FBXO22: variants seen among roughly 807,000 people sequenced by gnomAD.
The protein encoded by FBXO22 is F-box only protein 22.
FBXO22 carries 13 observed loss-of-function variants against 37.2 expected under a neutral mutation model. The ratio of observed to expected loss-of-function variants is 0.35; its 90% CI spans 0.23 to 0.56. The LOEUF (loss-of-function observed/expected upper bound fraction) is 0.56, where lower values mean the gene tolerates loss of function less well. Ranked by LOEUF, FBXO22 falls within the 20% of genes least tolerant of loss-of-function variation. The probability of loss-of-function intolerance (pLI) is 0.87; values close to 1 mark genes in which losing one functional copy is unlikely to be tolerated. For missense variants in FBXO22, 446 were observed against 509.9 expected (o/e 0.87, Z 1.21); for synonymous variants, 189 against 189.1 (o/e 1.00, Z 0.00).
intron 2 of FBXO22, among the ~76,000 whole-genome samples, chr15:75,911,339 C>A (rs1900047353): frequency 6.6e-6 from 1 of 152,090 alleles, no homozygotes; most frequent in Non-Finnish European, 1.5e-5. Flanking sequence ...CATTGAATCT[C>A]TAAATTACTT....
chr15:75,925,833 G>A (rs951128901), intron 5 of FBXO22, among the ~76,000 whole-genome samples: 2 of 152,142 alleles, frequency 1.3e-5, no homozygotes, highest in African/African-American at 2.4e-5. Flanking sequence ...AAGGAGGAGG[G>A]TGGGGGCTTG....
chr15:75,929,735 A>T (rs1595918795), intron 5 of FBXO22, 149 bp from the exon 6 acceptor site: 1 of 756,268 alleles, frequency 1.3e-6, no homozygotes, highest in Admixed American at 3.1e-5. Flanking sequence ...AAAATAAGAT[A>T]AAAAATAAAA....
At position 75,941,014 on chromosome 15, in the gene FBXO22, G is replaced by A. The variant is rs1232968529; in HGVS notation, c.*7912G>A. ...AGTAAAAAGATTACCTATGGAGTGGGAGGAAATAATATGCAGTTCACGTAC... is the reference window on the plus strand; with the variant it reads ...AGTAAAAAGATTACCTATGGAGTGGAAGGAAATAATATGCAGTTCACGTAC... On this transcript the variant is annotated 3_prime_UTR_variant, in exon 7 of 7. Coordinates refer to ENST00000308275, the MANE Select transcript of FBXO22 (RefSeq NM_147188.3). 1 of 152,112 alleles carries A rather than the reference G, an allele frequency of 6.6e-6. No individual in the cohort carries two copies. Among genetic ancestry groups the A allele is most frequent in the African/African-American group, 2.4e-5 (1 of 41,436 alleles). The allele number at this position is 152,112 out of a possible 1,614,324, so 9.4% of individuals were successfully genotyped here.
At chr15:75,913,182 A>ATTTT in intron 2 of FBXO22, 21 bp from the exon 3 acceptor site, 19 of 1,178,188 alleles carry the variant, frequency 1.6e-5, no homozygotes, top group East Asian at 3.0e-5. Context: ...TCCAATTCCA[A>ATTTT]TTTTTTTTTT....
rs115062753 is a variant in FBXO22, at chr15:75,931,197, C to T, written c.794+1148C>T. ...TTGAAATGCAGATACCTCACTCAGA[C>T]TTATAACATCTGAGGTGCTAGCTTG... On this transcript the variant is annotated intron_variant, in intron 6 of 6. Coordinates refer to ENST00000308275, the MANE Select transcript of FBXO22 (RefSeq NM_147188.3). 3.8e-3 allele frequency among the ~76,000 whole-genome samples: 583 copies of T among 152,282 alleles called. 3 individuals are homozygous for T. Among genetic ancestry groups the T allele is most frequent in the African/African-American group, 0.013 (541 of 41,566 alleles).
intron 5 of FBXO22, among the ~76,000 whole-genome samples, chr15:75,919,469 C>G (rs1259274301): frequency 3.3e-5 from 5 of 152,100 alleles, no homozygotes; most frequent in Non-Finnish European, 5.9e-5. Context: ...GGTAGTCAAC[C>G]TTAAAAGATT....
At chr15:75,926,894 CTTGTTT>C in intron 5 of FBXO22, among the ~76,000 whole-genome samples, 1 of 152,264 alleles carries the variant, frequency 6.6e-6, no homozygotes, top group South Asian at 2.1e-4. Context: ...TTACTGATCT[CTTGTTT>C]TTGTGCAGCA....
rs749822521 is a variant in FBXO22 at position 75,932,772 on chromosome 15, G to A, written c.882G>A (p.Glu294=). The A allele has an allele frequency of 5.6e-6, 9 of 1,614,266 alleles. No homozygotes were observed. The Admixed American group carries it at 1.3e-4, about 24-fold the overall frequency. The change falls in exon 7 of 7, where the codon GAG becomes GAA. Residue 294 remains glutamate (E), a synonymous_variant. Coordinates refer to ENST00000308275, the MANE Select transcript of FBXO22 (RefSeq NM_147188.3). ...RIQSATVLLN[E]DVSDEKTAEA... ...AGAGTGCCACTGTGCTCCTCAACGAGGACGTCAGTGATGAGAAGACTGCTG... is the reference window on the plus strand; with the variant it reads ...AGAGTGCCACTGTGCTCCTCAACGAAGACGTCAGTGATGAGAAGACTGCTG...
chr15:75,906,186 G>A (rs1352511371), intron 2 of FBXO22, among the ~76,000 whole-genome samples: 3 of 151,918 alleles, frequency 2.0e-5, no homozygotes, highest in African/African-American at 7.3e-5. Flanking sequence ...CTTGTTTTCT[G>A]GCACAAGATG....
chr15:75,931,377 A>G (rs1170294031), intron 6 of FBXO22, among the ~76,000 whole-genome samples: 1 of 152,180 alleles, frequency 6.6e-6, no homozygotes, highest in East Asian at 1.9e-4. Flanking sequence ...TGAGGGCTCC[A>G]TTTTAATAAA....
At chr15:75,930,793 A>G (rs1163430554) in intron 6 of FBXO22, 1 of 985,342 alleles carries the variant, frequency 1.0e-6, no homozygotes, top group African/African-American at 1.7e-5. Context: ...ATGCTTGTAA[A>G]CACTACTATT....
intron 2 of FBXO22, among the ~76,000 whole-genome samples, chr15:75,912,034 C>T (rs961380828): frequency 6.6e-6 from 1 of 151,398 alleles, no homozygotes; most frequent in African/African-American, 2.4e-5. Context: ...TGGTTTTTGT[C>T]ATCGGTTCTG....
At chr15:75,928,462 A>G (rs948315380) in intron 5 of FBXO22, among the ~76,000 whole-genome samples, 2 of 152,178 alleles carry the variant, frequency 1.3e-5, no homozygotes, top group Non-Finnish European at 2.9e-5. Flanking sequence ...GGCCATTATC[A>G]TTAGCAAACT....
In FBXO22 at chr15:75,929,953, G is replaced by A. The variant is rs1453494720; in HGVS notation, c.698G>A (p.Ser233Asn). ...FGYNCCKVGA[S>N]NYLQQVVSTF... The stretch of plus-strand genomic sequence containing the variant: ...TATAATTGCTGTAAGGTGGGAGCCA[G>A]TAATTATCTGCAGCAAGTAGTCAGC... The change falls in exon 6 of 7, where the codon AGT (serine) becomes AAT (asparagine). Residue 233 changes from serine (S) to asparagine (N), a missense_variant. Ser to Asn is a conservative substitution (Grantham distance 46). Coordinates refer to ENST00000308275, the MANE Select transcript of FBXO22 (RefSeq NM_147188.3). 4 of 1,614,150 alleles carry A rather than the reference G, an allele frequency of 2.5e-6. No homozygotes were observed. Among genetic ancestry groups the A allele is most frequent in the Non-Finnish European group, 1.7e-6 (2 of 1,179,988 alleles).
At chr15:75,904,884 C>A (rs889675538) in intron 2 of FBXO22, among the ~76,000 whole-genome samples, 1 of 140,260 alleles carries the variant, frequency 7.1e-6, no homozygotes, top group Non-Finnish European at 1.5e-5. Flanking sequence ...AGTGCAGTGG[C>A]GCGATCTCGG....
chr15:75,915,213 C>T (rs980481598), intron 4 of FBXO22, among the ~76,000 whole-genome samples: 1 of 151,854 alleles, frequency 6.6e-6, no homozygotes, highest in South Asian at 2.1e-4. Flanking sequence ...TCAGGTGATC[C>T]ACCGCCTCAG....
chr15:75,916,573 T>TA (rs1449649654), intron 4 of FBXO22, among the ~76,000 whole-genome samples: 1 of 152,190 alleles, frequency 6.6e-6, no homozygotes, highest in African/African-American at 2.4e-5. Context: ...CATGGGGGGT[T>TA]AGGGCTTAAA....
chr15:75,919,519 C>T, intron 5 of FBXO22, among the ~76,000 whole-genome samples: 1 of 152,192 alleles, frequency 6.6e-6, no homozygotes, highest in Non-Finnish European at 1.5e-5. Flanking sequence ...CTTTCTGGCT[C>T]TCCAGTTAGG....
chr15:75,920,671 A>G (rs903241527), intron 5 of FBXO22, among the ~76,000 whole-genome samples: 1 of 151,960 alleles, frequency 6.6e-6, no homozygotes, highest in African/African-American at 2.4e-5. Flanking sequence ...AAAAACTAAA[A>G]AACTAGCCAA....
Sources: gnomAD v4.1 joint callset for allele counts (sites outside exome capture counted in the v4.1 genomes callset) on GRCh38, gnomAD v4.1.1 for gene constraint, MANE v1.5 for transcripts, NCBI Gene and HGNC (gene_info 2026-07-23, HGNC 2026-07-21) for gene names.